The following PHAF1 variants were observed in gnomAD, a reference collection of about 807,000 sequenced individuals.
The protein encoded by PHAF1 is phagosome assembly factor 1.
PHAF1 carries 23 observed loss-of-function variants against 63.1 expected under a neutral mutation model. That is an observed-to-expected ratio of 0.36 (90% CI 0.26 to 0.52). PHAF1 has a LOEUF of 0.52. Among genes scored for constraint, PHAF1 ranks in the 20% least tolerant of loss-of-function variants. The pLI, the probability that PHAF1 is intolerant of heterozygous loss-of-function variation, is 0.93. For missense variants in PHAF1, 427 were observed against 517.2 expected (o/e 0.83, Z 1.69); for synonymous variants, 167 against 185.0 (o/e 0.90, Z 0.79).
intron 6 of PHAF1, 142 bp from the exon 7 acceptor site, chr16:67,134,026 A>G: frequency 1.5e-6 from 1 of 657,614 alleles, no homozygotes; most frequent in Non-Finnish European, 2.7e-6. Flanking sequence ...TTACTGACCC[A>G]GAGCCAGAGA....
chr16:67,121,116 A>T (rs905702165), intron 2 of PHAF1, among the ~76,000 whole-genome samples: 14 of 152,106 alleles, frequency 9.2e-5, no homozygotes, highest in African/African-American at 3.4e-4. Context: ...GGTGCCTATG[A>T]CAGAACAGGA....
chr16:67,147,188 G>C lies in PHAF1; in HGVS notation c.*57G>C. 1 of 1,497,438 alleles carries C rather than the reference G, an allele frequency of 6.7e-7. No homozygotes were observed. The allele number at this position is 1,497,438 out of a possible 1,614,324, so 92.8% of individuals were successfully genotyped here. A position where few individuals can be genotyped will look rare whatever the true frequency, so the allele number is the denominator to read the frequency against. On this transcript the variant is annotated 3_prime_UTR_variant, in exon 16 of 16. Coordinates refer to ENST00000219139, the MANE Select transcript of PHAF1 (RefSeq NM_025187.5). ...GGAACTGTGCATCACATCCTGCTCA[G>C]TGGGCCTCTGTACCACCCTGTGGGT...
chr16:67,131,190 T>TG (rs1963383155), intron 3 of PHAF1, 96 bp from the exon 4 acceptor site: 3 of 506,294 alleles, frequency 5.9e-6, no homozygotes, highest in Non-Finnish European at 9.5e-6. Flanking sequence ...GTTTTTTTTT[T>TG]TTTTTTTTTT....
At chr16:67,146,655 G>C (rs1007064743) in intron 15 of PHAF1, among the ~76,000 whole-genome samples, 2 of 152,220 alleles carry the variant, frequency 1.3e-5, no homozygotes, top group Admixed American at 1.3e-4. Context: ...GAACCACAGG[G>C]CAAGTGGGGC....
At chr16:67,135,802 AT>A (rs1315077613) in intron 8 of PHAF1, 1 of 152,100 alleles carries the variant, frequency 6.6e-6, no homozygotes, top group African/African-American at 2.4e-5. Flanking sequence ...GCCGGTGTGC[AT>A]TGGAATACTG....
In PHAF1 at chr16:67,147,290, G is replaced by A; in HGVS notation, c.*159G>A. On this transcript the variant is annotated 3_prime_UTR_variant, in exon 16 of 16. Transcript: ENST00000219139. Reference sequence around the variant, plus strand: ...GGGCTCAGGCTGGGTGCTCTGCCATGGGCTGAGTGGCCCAGATATTCTTCT... The same window carrying A: ...GGGCTCAGGCTGGGTGCTCTGCCATAGGCTGAGTGGCCCAGATATTCTTCT... 1.6e-6 allele frequency: 1 copy of A among 637,424 alleles called. No individual in the cohort carries two copies. Among genetic ancestry groups the A allele is most frequent in the Non-Finnish European group, 2.7e-6 (1 of 370,492 alleles). 39.5% of individuals were successfully genotyped at this position (637,424 alleles called of 1,614,324 possible). A position where few individuals can be genotyped will look rare whatever the true frequency, so the allele number is the denominator to read the frequency against.
At chr16:67,145,282 T>C (rs1402513382) in intron 12 of PHAF1, 94 bp from the exon 13 acceptor site, 5 of 1,418,754 alleles carry the variant, frequency 3.5e-6, no homozygotes, top group Non-Finnish European at 4.9e-6. Flanking sequence ...CCAACCCCAG[T>C]GCAAAGGGAC....
chr16:67,131,478 C>T (rs1042333807), intron 4 of PHAF1, 149 bp downstream of exon 4: 10 of 593,216 alleles, frequency 1.7e-5, no homozygotes, highest in African/African-American at 5.8e-5. Flanking sequence ...CAAGCCTGCT[C>T]AGTTTCCTGG....
chr16:67,145,358 A>C lies in PHAF1; in HGVS notation c.1007-18A>C. The C allele has an allele frequency of 5.0e-6, 8 of 1,613,906 alleles. No homozygotes were observed. Among genetic ancestry groups the C allele is most frequent in the Non-Finnish European group, 5.9e-6 (7 of 1,179,908 alleles). On this transcript the variant is annotated intron_variant, in intron 12 of 15. Coordinates refer to ENST00000219139, the MANE Select transcript of PHAF1 (RefSeq NM_025187.5). ...GCTGGGCCAGCTACAAATCTGCCCC[A>C]CTGTCTTCTCTTTTCAGAAAACGCA...
intron 1 of PHAF1, among the ~76,000 whole-genome samples, chr16:67,110,566 C>T (rs1370703987): frequency 2.0e-5 from 3 of 152,176 alleles, no homozygotes; most frequent in African/African-American, 2.4e-5. Flanking sequence ...TCGCCGGCAC[C>T]TGAGGATAGG....
intron 3 of PHAF1, 106 bp from the exon 4 acceptor site, chr16:67,131,180 G>GTT (rs71145961): frequency 0.014 from 3,546 of 248,148 alleles, 8 homozygotes; most frequent in Middle Eastern, 0.03. Context: ...ATTGGTAATA[G>GTT]TTTTTTTTTT....
chr16:67,110,445 G>T (rs935988341), intron 1 of PHAF1, among the ~76,000 whole-genome samples: 7 of 152,118 alleles, frequency 4.6e-5, no homozygotes, highest in African/African-American at 1.7e-4. Flanking sequence ...TCTCAGCAGG[G>T]TCTCTTCTGG....
rs181066931 is a variant in PHAF1, at chr16:67,141,497, G to A, written c.879+903G>A. Among the ~76,000 whole-genome samples the A allele has an allele frequency of 1.0e-3, 152 of 152,324 alleles. 1 individual carries two copies. The highest frequency in any genetic ancestry group is 6.4e-3 in the Admixed American group (98 of 15,298). ...TGCTTGCTCCCGCTGGGCTCATTCA[G>A]CTCACTCAGCCTGGCAGGCTGCGCT... is the stretch of plus-strand genomic sequence containing the variant. On this transcript the variant is annotated intron_variant, in intron 10 of 15. Transcript: ENST00000219139.
In PHAF1 at chr16:67,110,190, G is replaced by C; in HGVS notation, c.15G>C (p.Glu5Asp). 1 of 1,552,772 alleles carries C rather than the reference G, an allele frequency of 6.4e-7. No individual in the cohort carries two copies. Among genetic ancestry groups the C allele is most frequent in the Non-Finnish European group, 8.7e-7 (1 of 1,147,736 alleles). The change falls in exon 1 of 16, where the codon GAG (glutamate) becomes GAC (aspartate). Residue 5 changes from glutamate (E) to aspartate (D), a missense_variant. By Grantham distance (45) the Glu-to-Asp change is conservative (BLOSUM62 2). Transcript: ENST00000219139. ...GAGCCGAACCAATGCTGGACCTGGAGGTAGTGCCCGAACGCTCTCTGGGGA... is the reference window on the plus strand; with the variant it reads ...GAGCCGAACCAATGCTGGACCTGGACGTAGTGCCCGAACGCTCTCTGGGGA... Reference protein sequence around the residue: MLDLEVVPERSLGNE... With the variant: MLDLDVVPERSLGNE...
At chr16:67,115,710 G>A (rs981968709) in intron 1 of PHAF1, among the ~76,000 whole-genome samples, 2 of 152,116 alleles carry the variant, frequency 1.3e-5, no homozygotes, top group African/African-American at 2.4e-5. Flanking sequence ...GAGATCTTTC[G>A]TAGCCCTCCT....
chr16:67,120,282 C>G (rs1962918737), intron 2 of PHAF1, 88 bp downstream of exon 2: 2 of 1,234,584 alleles, frequency 1.6e-6, no homozygotes, highest in Non-Finnish European at 2.3e-6. Context: ...GGCTGACTGG[C>G]AAGGATAGCT....
At chr16:67,115,337 A>C (rs926548429) in intron 1 of PHAF1, among the ~76,000 whole-genome samples, 3 of 152,218 alleles carry the variant, frequency 2.0e-5, no homozygotes, top group African/African-American at 7.2e-5. Flanking sequence ...GAGGGAAGTG[A>C]GGTGTGACCA....
At chr16:67,144,671 C>T (rs1393194256) in intron 11 of PHAF1, among the ~76,000 whole-genome samples, 163 bp from the exon 12 acceptor site, 3 of 152,190 alleles carry the variant, frequency 2.0e-5, no homozygotes, top group South Asian at 2.1e-4. Context: ...GTTCGACTTC[C>T]GTGCCTAAAT....
At chr16:67,139,958 C>A (rs758757387) in intron 8 of PHAF1, 26 bp from the exon 9 acceptor site, 2 of 1,613,868 alleles carry the variant, frequency 1.2e-6, no homozygotes, top group Admixed American at 1.7e-5. Context: ...CATAACCTGA[C>A]AACCTCTCTG....
Sources: allele counts gnomAD v4.1 joint callset (sites outside exome capture counted in the v4.1 genomes callset), GRCh38; gene constraint gnomAD v4.1.1; transcripts MANE v1.5; gene names NCBI Gene and HGNC (gene_info 2026-07-23, HGNC 2026-07-21).